MYO1G: variants seen among roughly 807,000 people sequenced by gnomAD.
The protein encoded by MYO1G is myosin IG.
Under a neutral mutation model 115.3 loss-of-function variants are expected in MYO1G, and 65 were observed. The observed-to-expected ratio is 0.56, with a 90% CI of 0.46 to 0.69. MYO1G has a LOEUF of 0.69. MYO1G is among the 30% of genes least tolerant of loss of function. The pLI is 0.00. For synonymous variants in MYO1G, 510 were observed against 552.6 expected (o/e 0.92, Z 1.08); for missense variants, 1,204 against 1,393.5 (o/e 0.86, Z 2.16).
At chr7:44,972,004 G>T in intron 6 of MYO1G, 111 bp downstream of exon 6, 1 of 912,140 alleles carries the variant, frequency 1.1e-6, no homozygotes, top group Non-Finnish European at 1.8e-6. Flanking sequence ...CCCCACTCAC[G>T]CAAACAGTTC....
chr7:44,962,887 C>T lies in MYO1G; in HGVS notation c.2909G>A (p.Arg970His). 3.4e-6 allele frequency: 5 copies of T among 1,490,272 alleles called. No individual in the cohort carries two copies. The highest frequency in any genetic ancestry group is 2.3e-5 in the Admixed American group (1 of 42,902). The allele number at this position is 1,490,272 out of a possible 1,614,324, so 92.3% of individuals were successfully genotyped here. A position where few individuals can be genotyped will look rare whatever the true frequency, so the allele number is the denominator to read the frequency against. Residue 970 changes from arginine (R) to histidine (H), a missense_variant, in exon 22 of 22, where the codon CGC becomes CAC. Transcript: ENST00000258787. This position sits in a 1 kb window ranked among gnomAD's most constrained non-coding sequence, Gnocchi z 5.3. ...GTCGGAGACGCGAACCTCCAGGGTG[C>T]GGCCCTCCCTGCGGCAGGAGGAGGG... ...VLAAHCQGEG[R>H]TLEVRVSDCI... is the part of the protein sequence containing the mutation.
At chr7:44,967,991 G>T in intron 12 of MYO1G, 33 bp from the exon 13 acceptor site, 1 of 1,600,088 alleles carries the variant, frequency 6.2e-7, no homozygotes, top group Non-Finnish European at 8.6e-7. Flanking sequence ...AGGGAGCAGG[G>T]GCGGGGGCTG....
Position 44,963,014 on chromosome 7 carries a change from G to C in MYO1G, c.2856C>G (p.Asn952Lys), listed in dbSNP as rs1246359058. Residue 952 changes from asparagine to lysine, a missense_variant, in exon 21 of 22, where the codon AAC (asparagine) becomes AAG (lysine). Asn to Lys is a moderately conservative substitution (Grantham distance 94). Transcript: ENST00000258787. This position sits in a 1 kb window ranked among gnomAD's most constrained non-coding sequence, Gnocchi z 4.1. ...CLHRSRPPLD[N>K]RVGELVGVLA... ...GCACGCCCACCAGCTCCCCAACGCG[G>C]TTGTCCAATGGCGGCCGGGAGCGGT... The C allele has an allele frequency of 6.5e-7, 1 of 1,533,034 alleles. No homozygotes were observed. Among genetic ancestry groups the C allele is most frequent in the African/African-American group, 1.4e-5 (1 of 71,568 alleles). 95.0% of individuals were successfully genotyped at this position (1,533,034 alleles called of 1,614,324 possible). A position where few individuals can be genotyped will look rare whatever the true frequency, so the allele number is the denominator to read the frequency against.
intron 1 of MYO1G, 86 bp from the exon 2 acceptor site, chr7:44,977,157 C>A: frequency 7.6e-7 from 1 of 1,318,818 alleles, no homozygotes. Flanking sequence ...AGGGCCTGGC[C>A]CCAGTAGGCC....
rs145568794 is a variant in MYO1G at position 44,970,029 on chromosome 7, A to G, written c.1332+11T>C. On this transcript the variant is annotated intron_variant, in intron 10 of 21. Coordinates refer to ENST00000258787, the MANE Select transcript of MYO1G (RefSeq NM_033054.3). ...CCACTGCCTGGCCTCCCTCCAGGCC[A>G]CAGTGCTCACGCTCTGCCAGGTGAT... is the stretch of plus-strand genomic sequence containing the variant. 1.2e-4 allele frequency: 198 copies of G among 1,612,208 alleles called. 1 individual carries two copies. The Middle Eastern group carries it at 3.3e-3, about 27-fold the overall frequency.
In MYO1G at chr7:44,965,773, G is replaced by A. The variant is rs772234800; in HGVS notation, c.2245C>T (p.Arg749Trp). The change falls in exon 17 of 22, where the codon CGG (arginine) becomes TGG (tryptophan). Residue 749 changes from arginine (R) to tryptophan (W), a missense_variant. By Grantham distance (101) the Arg-to-Trp change is moderately radical (BLOSUM62 -3). Transcript: ENST00000258787. Reference protein sequence around the residue: ...IMRWFRRHKVRAHLAELQRRF... With the variant: ...IMRWFRRHKVWAHLAELQRRF... ...CGCTGCAGCTCAGCCAGGTGAGCCC[G>A]CACCTTGTGTCTCCGGAACCAGCGC... The A allele has an allele frequency of 2.7e-5, 43 of 1,603,706 alleles. No individual in the cohort carries two copies. Among genetic ancestry groups the A allele is most frequent in the East Asian group, 6.7e-5 (3 of 44,538 alleles).
In MYO1G at chr7:44,966,532, G is replaced by T. The variant is rs745630348; in HGVS notation, c.1949+140C>A. The T allele has an allele frequency of 1.9e-6, 2 of 1,027,290 alleles. No individual in the cohort carries two copies. The highest frequency in any genetic ancestry group is 3.0e-6 in the Non-Finnish European group (2 of 674,464). 63.6% of individuals were successfully genotyped at this position (1,027,290 alleles called of 1,614,324 possible). ...ACACACATGTCTTCCCAGATATTTTGGTGTCTTGAGGCCAGCAGCGTGCTG... is the reference window on the plus strand; with the variant it reads ...ACACACATGTCTTCCCAGATATTTTTGTGTCTTGAGGCCAGCAGCGTGCTG... On this transcript the variant is annotated intron_variant, in intron 15 of 21. Transcript: ENST00000258787. The surrounding 1 kb of genome is among the most constrained non-coding windows in gnomAD (Gnocchi z 5.0).
In MYO1G at chr7:44,964,194, G is replaced by A; in HGVS notation, c.2632-32C>T. ...GAGAGGTGGCTGGACCCAGGCTGGT[G>A]CTGCCCTGTCACCCACCAGGGCCCC... On this transcript the variant is annotated intron_variant, in intron 19 of 21. Transcript: ENST00000258787. This position sits in a 1 kb window ranked among gnomAD's most constrained non-coding sequence, Gnocchi z 5.1. 6.5e-7 allele frequency: 1 copy of A among 1,543,970 alleles called. No individual in the cohort carries two copies. Among genetic ancestry groups the A allele is most frequent in the African/African-American group, 1.4e-5 (1 of 73,448 alleles).
At chr7:44,972,016 C>G in intron 6 of MYO1G, 99 bp downstream of exon 6, 1 of 1,009,852 alleles carries the variant, frequency 9.9e-7, no homozygotes, top group Non-Finnish European at 1.6e-6. Context: ...AAACAGTTCA[C>G]TTCACCCTGG....
chr7:44,963,424 T>C lies in MYO1G; in HGVS notation c.2746-300A>G, dbSNP rs1794784882. The stretch of plus-strand genomic sequence containing the variant: ...GATGCTAAGCCCTTGCATGTGCTAC[T>C]GCCTGGAGGAGCCGTTTTTAGTTCT... On this transcript the variant is annotated intron_variant, in intron 20 of 21. Transcript: ENST00000258787. This position sits in a 1 kb window ranked among gnomAD's most constrained non-coding sequence, Gnocchi z 4.1. 2.5e-6 allele frequency: 1 copy of C among 397,014 alleles called. No homozygotes were observed. The highest frequency in any genetic ancestry group is 2.1e-5 in the African/African-American group (1 of 47,652). 24.6% of individuals were successfully genotyped at this position (397,014 alleles called of 1,614,324 possible). A position where few individuals can be genotyped will look rare whatever the true frequency, so the allele number is the denominator to read the frequency against.
chr7:44,963,371 C>G lies in MYO1G; in HGVS notation c.2746-247G>C, dbSNP rs1794784089. ...ACTGATGGTTCTAGATCCTTGCTGT[C>G]CAACAGGGCCGCCACTGCTCACCTG... On this transcript the variant is annotated intron_variant, in intron 20 of 21. Transcript: ENST00000258787. This position sits in a 1 kb window ranked among gnomAD's most constrained non-coding sequence, Gnocchi z 4.1. 1 of 489,382 alleles carries G rather than the reference C, an allele frequency of 2.0e-6. No individual in the cohort carries two copies. Among genetic ancestry groups the G allele is most frequent in the African/African-American group, 2.0e-5 (1 of 48,874 alleles). The allele number at this position is 489,382 out of a possible 1,614,324, so 30.3% of individuals were successfully genotyped here.
chr7:44,977,564 T>TGACA (rs1183620349), intron 1 of MYO1G, among the ~76,000 whole-genome samples: 1 of 146,202 alleles, frequency 6.8e-6, no homozygotes, highest in Admixed American at 6.8e-5. Flanking sequence ...CCCACCCAGA[T>TGACA]GACAGGGAGG....
In MYO1G at chr7:44,964,209, A is replaced by G. The variant is rs1272991848; in HGVS notation, c.2632-47T>C. 3 of 1,508,404 alleles carry G rather than the reference A, an allele frequency of 2.0e-6. No homozygotes were observed. The highest frequency in any genetic ancestry group is 1.8e-6 in the Non-Finnish European group (2 of 1,104,540). The allele number at this position is 1,508,404 out of a possible 1,614,324, so 93.4% of individuals were successfully genotyped here. A position where few individuals can be genotyped will look rare whatever the true frequency, so the allele number is the denominator to read the frequency against. ...CCAGGCTGGTGCTGCCCTGTCACCC[A>G]CCAGGGCCCCAGGCTTCGGCAGTCC... is the stretch of plus-strand genomic sequence containing the variant. On this transcript the variant is annotated intron_variant, in intron 19 of 21. Coordinates refer to ENST00000258787, the MANE Select transcript of MYO1G (RefSeq NM_033054.3). The surrounding 1 kb of genome is among the most constrained non-coding windows in gnomAD (Gnocchi z 5.1).
rs757470830 is a variant in MYO1G, at chr7:44,970,575, G to T, written c.1217+17C>A. 3 of 1,612,188 alleles carry T rather than the reference G, an allele frequency of 1.9e-6. No individual in the cohort carries two copies. The highest frequency in any genetic ancestry group is 2.5e-6 in the Non-Finnish European group (3 of 1,179,750). On this transcript the variant is annotated intron_variant, in intron 9 of 21. Coordinates refer to ENST00000258787, the MANE Select transcript of MYO1G (RefSeq NM_033054.3). ...GCTGGGTGTCAGAGGTGGAGATGTGGCTGGCCAGCCACCCACCTGTTGACG... is the reference window on the plus strand; with the variant it reads ...GCTGGGTGTCAGAGGTGGAGATGTGTCTGGCCAGCCACCCACCTGTTGACG...
chr7:44,978,201 C>G (rs1795116521), intron 1 of MYO1G, among the ~76,000 whole-genome samples: 4 of 152,182 alleles, frequency 2.6e-5, no homozygotes, highest in Admixed American at 2.6e-4. Flanking sequence ...GGAAGCCCAG[C>G]TGCCTGTATG....
chr7:44,963,453 T>A lies in MYO1G; in HGVS notation c.2746-329A>T, dbSNP rs986488322. On this transcript the variant is annotated intron_variant, in intron 20 of 21. Coordinates refer to ENST00000258787, the MANE Select transcript of MYO1G (RefSeq NM_033054.3). The surrounding 1 kb of genome is among the most constrained non-coding windows in gnomAD (Gnocchi z 4.1). ...TGGAGGAGCCGTTTTTAGTTCTAGG[T>A]CACTTTCACTGCATTTAAACAACCA... is the stretch of plus-strand genomic sequence containing the variant. 12 of 336,660 alleles carry A rather than the reference T, an allele frequency of 3.6e-5. No individual in the cohort carries two copies. The highest frequency in any genetic ancestry group is 1.9e-4 in the African/African-American group (9 of 46,380). The allele number at this position is 336,660 out of a possible 1,614,324, so 20.9% of individuals were successfully genotyped here.
Position 44,964,174 on chromosome 7 carries a change from G to T in MYO1G, c.2632-12C>A, listed in dbSNP as rs753952650. Reference sequence around the variant, plus strand: ...TGGAAGCGGTTCACCTGTGGGAGAGGTGGCTGGACCCAGGCTGGTGCTGCC... The same window carrying T: ...TGGAAGCGGTTCACCTGTGGGAGAGTTGGCTGGACCCAGGCTGGTGCTGCC... On this transcript the variant is annotated splice_polypyrimidine_tract_variant and intron_variant, in intron 19 of 21. Coordinates refer to ENST00000258787, the MANE Select transcript of MYO1G (RefSeq NM_033054.3). This position sits in a 1 kb window ranked among gnomAD's most constrained non-coding sequence, Gnocchi z 5.1. The T allele has an allele frequency of 5.1e-6, 8 of 1,573,912 alleles. No individual in the cohort carries two copies. Among genetic ancestry groups the T allele is most frequent in the Middle Eastern group, 1.7e-4 (1 of 5,856 alleles).
chr7:44,977,284 C>T (rs192323705), intron 1 of MYO1G, among the ~76,000 whole-genome samples: 4 of 152,322 alleles, frequency 2.6e-5, no homozygotes, highest in Admixed American at 6.5e-5. Context: ...GTCTCCATTG[C>T]GGCATAGAGT....
chr7:44,969,976 TC>T lies in MYO1G; in HGVS notation c.1332+63del. On this transcript the variant is annotated intron_variant, in intron 10 of 21. Coordinates refer to ENST00000258787, the MANE Select transcript of MYO1G (RefSeq NM_033054.3). The surrounding 1 kb of genome is among the most constrained non-coding windows in gnomAD (Gnocchi z 5.0). ...CACCTGTCAGGCCAGCCCGGGCCCCTCCCCATGGGCTGAGGCCCCTCCACAC... is the reference window on the plus strand; with the variant it reads ...CACCTGTCAGGCCAGCCCGGGCCCCTCCCATGGGCTGAGGCCCCTCCACAC... 6.3e-7 allele frequency: 1 copy of T among 1,591,136 alleles called. No homozygotes were observed.
Sources: allele counts gnomAD v4.1 joint callset (sites outside exome capture counted in the v4.1 genomes callset), GRCh38; gene constraint gnomAD v4.1.1; non-coding constraint Gnocchi (gnomAD v3.1); transcripts MANE v1.5; gene names NCBI Gene and HGNC (gene_info 2026-07-23, HGNC 2026-07-21).